The following SAE1 variants were observed in gnomAD, a reference collection of about 807,000 sequenced individuals.
SAE1 encodes SUMO-activating enzyme subunit 1.
Under a neutral mutation model 40.6 loss-of-function variants are expected in SAE1, and 11 were observed. That is an observed-to-expected ratio of 0.27 (90% confidence interval 0.17 to 0.45). SAE1 has a LOEUF of 0.45. SAE1 is among the 20% of genes least tolerant of loss of function. The pLI, the probability that SAE1 is intolerant of heterozygous loss-of-function variation, is 1.00. For missense variants in SAE1, 373 were observed against 427.3 expected, an observed-to-expected ratio of 0.87 and a Z score of 1.12; for synonymous variants, 155 against 154.3, an observed-to-expected ratio of 1.00 and a Z score of -0.03.
At position 47,209,292 on chromosome 19, in the gene SAE1, GCC is replaced by G. The variant is rs759301337; in HGVS notation, c.*43_*44del. 40 of 1,614,002 alleles carry G rather than the reference GCC, an allele frequency of 2.5e-5. No homozygotes were observed. The East Asian group carries it at 7.1e-4, about 29-fold the overall frequency. On this transcript the variant is annotated 3_prime_UTR_variant, in exon 9 of 9. Coordinates refer to ENST00000270225, the MANE Select transcript of SAE1 (RefSeq NM_005500.3). ...GCCCCAGAGATGCCAACTGCAGCAT[GCC>G]CACCTGTATTCCCTGTCCCCTTCCT...
intron 2 of SAE1, among the ~76,000 whole-genome samples, chr19:47,146,937 G>A (rs180846314): frequency 1.8e-4 from 27 of 152,264 alleles, no homozygotes; most frequent in African/African-American, 6.3e-4. Flanking sequence ...AGAAGACTCA[G>A]GTGGATCAGG....
At chr19:47,200,300 A>G (rs1316143275) in intron 7 of SAE1, among the ~76,000 whole-genome samples, 1 of 147,364 alleles carries the variant, frequency 6.8e-6, no homozygotes, top group African/African-American at 2.5e-5. Flanking sequence ...GTGGCACATC[A>G]TAGCTCACTG....
chr19:47,162,129 T>C (rs1200514059), intron 5 of SAE1, among the ~76,000 whole-genome samples: 1 of 152,260 alleles, frequency 6.6e-6, no homozygotes, highest in Non-Finnish European at 1.5e-5. Context: ...GCTAGTTCTC[T>C]TGGACAGCCC....
intron 2 of SAE1, among the ~76,000 whole-genome samples, chr19:47,143,952 G>C (rs550562835): frequency 2.9e-4 from 44 of 152,302 alleles, no homozygotes; most frequent in African/African-American, 1.0e-3. Context: ...AAAATGCAGA[G>C]TGGCCTGGAG....
At chr19:47,137,398 TAAATA>T (rs554075792) in intron 1 of SAE1, among the ~76,000 whole-genome samples, 50 of 152,004 alleles carry the variant, frequency 3.3e-4, no homozygotes, top group South Asian at 1.2e-3. Context: ...CAAAAATAAA[TAAATA>T]AAATAAAATA....
intron 2 of SAE1, among the ~76,000 whole-genome samples, chr19:47,145,399 G>A (rs1323715081): frequency 1.3e-5 from 2 of 152,022 alleles, no homozygotes; most frequent in African/African-American, 2.4e-5. Context: ...CGCTGGCCTC[G>A]GCCTCCCAAA....
At chr19:47,162,829 C>A (rs1361727401) in intron 5 of SAE1, among the ~76,000 whole-genome samples, 2 of 151,992 alleles carry the variant, frequency 1.3e-5, no homozygotes, top group East Asian at 3.9e-4. Flanking sequence ...CCTTCTCTAC[C>A]AAAAATACAA....
At chr19:47,208,214 G>A (rs1012812731) in intron 8 of SAE1, among the ~76,000 whole-genome samples, 2 of 152,162 alleles carry the variant, frequency 1.3e-5, no homozygotes, top group Non-Finnish European at 2.9e-5. Context: ...CAATGGTGGT[G>A]CAACACAGTG....
At chr19:47,143,460 C>T (rs1320036723) in intron 1 of SAE1, 34 bp from the exon 2 acceptor site, 1 of 1,519,538 alleles carries the variant, frequency 6.6e-7, no homozygotes, top group Non-Finnish European at 9.1e-7. Flanking sequence ...GCTCACTGTT[C>T]TGTATCATCA....
At chr19:47,186,186 G>A (rs930807833) in intron 6 of SAE1, among the ~76,000 whole-genome samples, 1 of 151,764 alleles carries the variant, frequency 6.6e-6, no homozygotes, top group African/African-American at 2.4e-5. Context: ...CTTGCGGTGA[G>A]CCGAGATCCC....
At chr19:47,168,356 G>A (rs1275534758) in intron 5 of SAE1, among the ~76,000 whole-genome samples, 1 of 152,024 alleles carries the variant, frequency 6.6e-6, no homozygotes, top group Non-Finnish European at 1.5e-5. Flanking sequence ...CCAGGCTGGA[G>A]TGCAGTGGTA....
chr19:47,197,688 C>G lies in SAE1; in HGVS notation c.878+311C>G, dbSNP rs528054844. Among the ~76,000 whole-genome samples, 31 of 152,258 alleles carry G rather than the reference C, an allele frequency of 2.0e-4. 1 individual carries two copies. Among genetic ancestry groups the G allele is most frequent in the Admixed American group, 1.6e-3 (24 of 15,262 alleles). ...ATCTTGTTATCTCTTGGGGACATCT[C>G]CAGATCAGTACATAGTTTGCTCCCT... On this transcript the variant is annotated intron_variant, in intron 7 of 8. Transcript: ENST00000270225.
At chr19:47,145,252 CG>C (rs1568587262) in intron 2 of SAE1, among the ~76,000 whole-genome samples, 1 of 152,138 alleles carries the variant, frequency 6.6e-6, no homozygotes, top group African/African-American at 2.4e-5. Flanking sequence ...CCTCCCACCT[CG>C]GCCTCCCAAA....
At chr19:47,180,791 C>A (rs1046026823) in intron 6 of SAE1, among the ~76,000 whole-genome samples, 2 of 152,102 alleles carry the variant, frequency 1.3e-5, no homozygotes, top group Admixed American at 6.6e-5. Context: ...CCACTGCACT[C>A]CAGCCTGGGA....
intron 6 of SAE1, among the ~76,000 whole-genome samples, chr19:47,181,723 C>T (rs146837641): frequency 0.021 from 3,201 of 150,220 alleles, 55 homozygotes; most frequent in Non-Finnish European, 0.033. Context: ...AGGTGATCCT[C>T]CCACCTCAGC....
At chr19:47,133,812 G>A (rs966662360) in intron 1 of SAE1, among the ~76,000 whole-genome samples, 2 of 152,014 alleles carry the variant, frequency 1.3e-5, no homozygotes, top group Non-Finnish European at 1.5e-5. Context: ...TAGGTTTGGT[G>A]GGGTCGGGGA....
At chr19:47,144,743 T>C (rs1196192883) in intron 2 of SAE1, among the ~76,000 whole-genome samples, 1 of 152,118 alleles carries the variant, frequency 6.6e-6, no homozygotes, top group Non-Finnish European at 1.5e-5. Flanking sequence ...CAACACTGGA[T>C]CAGAGAGAAT....
At chr19:47,154,659 T>TA (rs1392465194) in intron 4 of SAE1, among the ~76,000 whole-genome samples, 3 of 151,306 alleles carry the variant, frequency 2.0e-5, no homozygotes, top group Non-Finnish European at 3.0e-5. Flanking sequence ...CACGCCCGGC[T>TA]AGTTTTTTGT....
intron 5 of SAE1, among the ~76,000 whole-genome samples, chr19:47,159,550 CT>C (rs769129980): frequency 0.013 from 1,809 of 142,664 alleles, 24 homozygotes; most frequent in African/African-American, 0.037. Flanking sequence ...TATTTTCTTC[CT>C]TTTTTTTTTT....
Sources: gnomAD v4.1 joint callset for allele counts (sites outside exome capture counted in the v4.1 genomes callset) on GRCh38, gnomAD v4.1.1 for gene constraint, MANE v1.5 for transcripts, NCBI Gene and HGNC (gene_info 2026-07-23, HGNC 2026-07-21) for gene names.